The following TNKS variants were observed in gnomAD, a reference collection of about 807,000 sequenced individuals.
The protein encoded by TNKS is poly [ADP-ribose] polymerase tankyrase-1.
In TNKS, 72 loss-of-function variants were observed where a neutral mutation model predicts 135.8. The ratio of observed to expected loss-of-function variants is 0.53; its 90% confidence interval spans 0.44 to 0.64. The LOEUF is 0.64. Ranked by LOEUF, TNKS falls within the 30% of genes least tolerant of loss-of-function variation. The pLI is 0.00. For missense variants in TNKS, 1,769 were observed against 1,674.0 expected, an observed-to-expected ratio of 1.06 and a Z score of -0.99; for synonymous variants, 849 against 649.3, an observed-to-expected ratio of 1.31 and a Z score of -4.68.
intron 2 of TNKS, among the ~76,000 whole-genome samples, chr8:9,606,851 TA>T (rs1437457953): frequency 6.6e-6 from 1 of 152,178 alleles, no homozygotes; most frequent in African/African-American, 2.4e-5. Flanking sequence ...ATTGCTGGTT[TA>T]AAATCACCCT....
intron 3 of TNKS, among the ~76,000 whole-genome samples, chr8:9,650,229 G>A (rs1322254120): frequency 6.6e-6 from 1 of 152,030 alleles, no homozygotes; most frequent in East Asian, 1.9e-4. Flanking sequence ...CGATTGATGG[G>A]CATTTGGGCT....
intron 11 of TNKS, among the ~76,000 whole-genome samples, chr8:9,718,951 G>A (rs1009498927): frequency 1.3e-5 from 2 of 152,170 alleles, no homozygotes; most frequent in African/African-American, 4.8e-5. Flanking sequence ...AAGTTAGTAT[G>A]TTTCTTACCC....
intron 11 of TNKS, among the ~76,000 whole-genome samples, chr8:9,715,537 C>T (rs1421504577): frequency 1.3e-5 from 2 of 151,974 alleles, no homozygotes; most frequent in Admixed American, 1.3e-4. Context: ...CCTCCCAGTA[C>T]CCCCCATCTC....
chr8:9,718,427 C>T (rs888329381), intron 11 of TNKS, among the ~76,000 whole-genome samples: 3 of 152,130 alleles, frequency 2.0e-5, no homozygotes, highest in African/African-American at 2.4e-5. Context: ...CTGTCTGAGA[C>T]TAGGCTGTTC....
intron 3 of TNKS, among the ~76,000 whole-genome samples, chr8:9,629,308 C>T (rs906157849): frequency 6.6e-6 from 1 of 151,354 alleles, no homozygotes; most frequent in Non-Finnish European, 1.5e-5. Flanking sequence ...TGCAGCCCAG[C>T]TGTAGACTAA....
At chr8:9,645,020 AAT>A (rs896731853) in intron 3 of TNKS, among the ~76,000 whole-genome samples, 3 of 152,114 alleles carry the variant, frequency 2.0e-5, no homozygotes, top group African/African-American at 4.8e-5. Flanking sequence ...TGGTGTATTA[AAT>A]ATATGTTTTT....
In TNKS at chr8:9,704,766, A is replaced by C. The variant is rs754608884; in HGVS notation, c.1202+9A>C. 6.2e-7 allele frequency: 1 copy of C among 1,607,642 alleles called. No individual in the cohort carries two copies. Among genetic ancestry groups the C allele is most frequent in the Non-Finnish European group, 8.5e-7 (1 of 1,175,938 alleles). On this transcript the variant is annotated intron_variant, in intron 6 of 26. Transcript: ENST00000310430. ...CATGCAAAAGACAAAGGGTAGGTCT[A>C]TCAGTTTACTTCCTGTCAGTGCTTT...
intron 20 of TNKS, among the ~76,000 whole-genome samples, chr8:9,757,588 C>T (rs1806908350): frequency 6.6e-6 from 1 of 152,088 alleles, no homozygotes; most frequent in Non-Finnish European, 1.5e-5. Context: ...CCTTCCCAGC[C>T]CCCCTTGCAA....
chr8:9,717,242 CA>C (rs200673207), intron 11 of TNKS, among the ~76,000 whole-genome samples: 2,612 of 151,176 alleles, frequency 0.017, 38 homozygotes, highest in African/African-American at 0.046. Context: ...AAAAACATTT[CA>C]AGTAAAATAT....
At chr8:9,616,321 G>A (rs78444478) in intron 3 of TNKS, among the ~76,000 whole-genome samples, 1 of 152,228 alleles carries the variant, frequency 6.6e-6, no homozygotes, top group East Asian at 1.9e-4. Flanking sequence ...AGAAAATAGT[G>A]CTCTAAGTGT....
chr8:9,660,842 C>G (rs965114775), intron 3 of TNKS, among the ~76,000 whole-genome samples: 1 of 152,082 alleles, frequency 6.6e-6, no homozygotes, highest in Non-Finnish European at 1.5e-5. Context: ...AAAACCCCAT[C>G]GTTTCAGCCC....
chr8:9,588,522 C>G (rs986720595), intron 2 of TNKS, among the ~76,000 whole-genome samples: 5 of 152,196 alleles, frequency 3.3e-5, no homozygotes, highest in Non-Finnish European at 5.9e-5. Flanking sequence ...GTGATCCGCC[C>G]ACCTCGGCGT....
chr8:9,720,890 T>G (rs185729806), intron 12 of TNKS, among the ~76,000 whole-genome samples: 3 of 152,306 alleles, frequency 2.0e-5, no homozygotes, highest in Admixed American at 6.5e-5. Context: ...GTAATGACAT[T>G]TAATTAATTG....
At chr8:9,572,890 G>A (rs1322889533) in intron 1 of TNKS, among the ~76,000 whole-genome samples, 1 of 152,070 alleles carries the variant, frequency 6.6e-6, no homozygotes, top group Admixed American at 6.5e-5. Context: ...AAACTCATAG[G>A]TATTGCATAA....
At chr8:9,563,324 A>G (rs1413009063) in intron 1 of TNKS, among the ~76,000 whole-genome samples, 1 of 151,594 alleles carries the variant, frequency 6.6e-6, no homozygotes, top group East Asian at 1.9e-4. Flanking sequence ...TTCTCCTTTC[A>G]TCTTCTATTT....
Position 9,711,864 on chromosome 8 carries a change from A to T in TNKS, c.1749+1644A>T, listed in dbSNP as rs78776792. Among the ~76,000 whole-genome samples, 1,173 of 152,358 alleles carry T rather than the reference A, an allele frequency of 7.7e-3. 6 individuals carry two copies. Among genetic ancestry groups the T allele is most frequent in the Non-Finnish European group, 0.012 (795 of 68,034 alleles). On this transcript the variant is annotated intron_variant, in intron 11 of 26. Coordinates refer to ENST00000310430, the MANE Select transcript of TNKS (RefSeq NM_003747.3). ...GATATAAATGAATCACCCAGCCGTC[A>T]TATCTACATAATTTAAACACATAAA...
intron 18 of TNKS, 66 bp from the exon 19 acceptor site, chr8:9,751,543 C>T (rs1180439965): frequency 2.1e-6 from 3 of 1,416,776 alleles, no homozygotes; most frequent in Admixed American, 2.0e-5. Context: ...ATTTGGTTAT[C>T]AGTGAAAAAC....
At chr8:9,656,579 C>T (rs1801379520) in intron 3 of TNKS, among the ~76,000 whole-genome samples, 2 of 149,338 alleles carry the variant, frequency 1.3e-5, no homozygotes, top group South Asian at 4.3e-4. Context: ...GAGTGGGGGC[C>T]AATATTCAAC....
intron 1 of TNKS, among the ~76,000 whole-genome samples, chr8:9,563,035 C>G (rs892874314): frequency 3.3e-5 from 5 of 151,890 alleles, no homozygotes; most frequent in African/African-American, 9.7e-5. Flanking sequence ...TATATTGAAA[C>G]TTTGCCTCTT....
Sources: allele counts gnomAD v4.1 joint callset (sites outside exome capture counted in the v4.1 genomes callset), GRCh38; gene constraint gnomAD v4.1.1; transcripts MANE v1.5; gene names NCBI Gene and HGNC (gene_info 2026-07-23, HGNC 2026-07-21).